Variants in ZNF599 observed in about 807,000 individuals in gnomAD.
ZNF599 encodes the protein zinc finger protein 599.
In ZNF599, 10 loss-of-function variants were observed where a neutral mutation model predicts 11.7. The observed-to-expected ratio is 0.86, with a 90% CI of 0.53 to 1.45. The LOEUF is 1.45. ZNF599 is among the 40% of genes most tolerant of loss of function. The pLI is 0.00. For synonymous variants in ZNF599, 232 were observed against 253.2 expected, an observed-to-expected ratio of 0.92 and a Z score of 0.79; for missense variants, 688 against 713.6, an observed-to-expected ratio of 0.96 and a Z score of 0.41.
chr19:34,758,859 C>A lies in ZNF599; in HGVS notation c.*175G>T. The A allele has an allele frequency of 1.6e-6, 1 of 624,620 alleles. No individual in the cohort carries two copies. Among genetic ancestry groups the A allele is most frequent in the Non-Finnish European group, 2.7e-6 (1 of 368,312 alleles). 38.7% of individuals were successfully genotyped at this position (624,620 alleles called of 1,614,324 possible). On this transcript the variant is annotated 3_prime_UTR_variant, in exon 4 of 4. Transcript: ENST00000329285. ...TCTTTGGATGACAAGTGATTACCTG[C>A]CATAAAAAGATTTCACAGGGACAAT...
At chr19:34,807,411 G>A in the ZNF599 span, among the ~76,000 whole-genome samples, 1 of 152,222 alleles carries the variant, frequency 6.6e-6, no homozygotes, top group Admixed American at 6.5e-5. Context: ...CTCCAGCCCA[G>A]CACTGACACG....
intron 1 of ZNF599, chr19:34,772,468 C>T (rs1036185503): frequency 8.7e-7 from 1 of 1,148,686 alleles, no homozygotes; most frequent in East Asian, 5.0e-5. Context: ...TGATGCTCTC[C>T]GAGCAGTGAA....
At chr19:34,777,401 ATTATATATAATATATATTAAT>A (rs2069223869), upstream of ZNF599, among the ~76,000 whole-genome samples, 1 of 88,176 alleles carries the variant, frequency 1.1e-5, no homozygotes, top group African/African-American at 5.2e-5. Context: ...TATAATATAT[ATTATATATAATATATATTAAT>A]TAATATATAA....
chr19:34,769,895 C>T (rs977751431), intron 1 of ZNF599, among the ~76,000 whole-genome samples: 5 of 152,178 alleles, frequency 3.3e-5, no homozygotes, highest in African/African-American at 1.2e-4. Flanking sequence ...CACTGGTCTG[C>T]ACTGTTTGCC....
In ZNF599 at chr19:34,759,593, G is replaced by A; in HGVS notation, c.1208C>T (p.Ala403Val). 6.2e-7 allele frequency: 1 copy of A among 1,613,860 alleles called. No homozygotes were observed. The highest frequency in any genetic ancestry group is 8.5e-7 in the Non-Finnish European group (1 of 1,179,978). ...GATGAAAGTGGAGCGATGAGTAAAGGCCTTTCCACATTCACCGCACTCATA... is the reference window on the plus strand; with the variant it reads ...GATGAAAGTGGAGCGATGAGTAAAGACCTTTCCACATTCACCGCACTCATA... ...KPYECGECGK[A>V]FTHRSTFIRH... is the part of the protein sequence containing the mutation. The change falls in exon 4 of 4, where the codon GCC (alanine) becomes GTC (valine). Residue 403 changes from alanine (A) to valine (V), a missense_variant. Physicochemically the swap from Ala to Val is moderately conservative, Grantham distance 64. Coordinates refer to ENST00000329285, the MANE Select transcript of ZNF599 (RefSeq NM_001007248.3).
At chr19:34,772,563 A>C in intron 1 of ZNF599, 4 of 1,335,410 alleles carry the variant, frequency 3.0e-6, no homozygotes, top group Non-Finnish European at 3.8e-6. Context: ...ACCCGAGGGA[A>C]TGGAGGCCGA....
At chr19:34,790,854 AC>A in the ZNF599 span, among the ~76,000 whole-genome samples, 52 of 152,274 alleles carry the variant, frequency 3.4e-4, 1 homozygote, top group South Asian at 3.7e-3. Context: ...ATTATGCTGT[AC>A]CCCCATAAAT....
the ZNF599 span, among the ~76,000 whole-genome samples, chr19:34,781,913 A>T: frequency 2.0e-5 from 3 of 152,198 alleles, no homozygotes; most frequent in Admixed American, 2.0e-4. Context: ...GGAGACCAGG[A>T]TGTGGGGTGC....
At chr19:34,765,570 T>C (rs1467869198) in intron 3 of ZNF599, 2 of 702,850 alleles carry the variant, frequency 2.8e-6, no homozygotes, top group Non-Finnish European at 2.6e-6. Flanking sequence ...AGGCAGAAAG[T>C]GTAATCTAGA....
At chr19:34,776,030 A>G (rs1017917220), upstream of ZNF599, among the ~76,000 whole-genome samples, 87 of 152,356 alleles carry the variant, frequency 5.7e-4, 1 homozygote, top group African/African-American at 1.9e-3. Context: ...AAATGAAATT[A>G]GATGAAATAT....
intron 3 of ZNF599, 94 bp downstream of exon 3, chr19:34,767,222 C>T (rs1341496354): frequency 1.2e-5 from 12 of 968,672 alleles, no homozygotes; most frequent in Admixed American, 3.9e-5. Flanking sequence ...TGCTCAAGAC[C>T]ACAAAATAGC....
chr19:34,783,788 C>G, the ZNF599 span, among the ~76,000 whole-genome samples: 6 of 152,118 alleles, frequency 3.9e-5, no homozygotes. Context: ...CCTTAACCTC[C>G]CAGTACCATG....
chr19:34,771,290 C>T (rs2069182449), intron 1 of ZNF599, among the ~76,000 whole-genome samples: 2 of 152,032 alleles, frequency 1.3e-5, no homozygotes, highest in South Asian at 2.1e-4. Flanking sequence ...CTTTTATGCT[C>T]GACATACTGG....
At position 34,759,283 on chromosome 19, in the gene ZNF599, G is replaced by A; in HGVS notation, c.1518C>T (p.Pro506=). ...RHMRIHTGEK[P]YVCRECGKAF... is the part of the protein sequence containing the mutation. ...CCTTTCCACATTCTCTACAAACATA[G>A]GGCTTCTCTCCAGTGTGAATCCTCA... Residue 506 remains proline (P), a synonymous_variant, in exon 4 of 4, where the codon CCC becomes CCT. Coordinates refer to ENST00000329285, the MANE Select transcript of ZNF599 (RefSeq NM_001007248.3). The A allele has an allele frequency of 6.2e-7, 1 of 1,614,156 alleles. No individual in the cohort carries two copies. Among genetic ancestry groups the A allele is most frequent in the Non-Finnish European group, 8.5e-7 (1 of 1,180,024 alleles).
intron 2 of ZNF599, 63 bp downstream of exon 2, chr19:34,769,366 C>T: frequency 6.2e-7 from 1 of 1,612,232 alleles, no homozygotes; most frequent in Non-Finnish European, 8.5e-7. Flanking sequence ...ACCAGCCATG[C>T]CTAGAAAGGG....
At chr19:34,776,480 C>T (rs559857129), upstream of ZNF599, among the ~76,000 whole-genome samples, 21 of 152,344 alleles carry the variant, frequency 1.4e-4, no homozygotes, top group South Asian at 2.5e-3. Flanking sequence ...TGCGATTCTT[C>T]AGCTCTTGAA....
intron 1 of ZNF599, among the ~76,000 whole-genome samples, chr19:34,771,907 A>G (rs750530722): frequency 2.6e-5 from 4 of 152,236 alleles, no homozygotes; most frequent in Non-Finnish European, 4.4e-5. Context: ...AGAAAACAAC[A>G]CAAGAGTGAG....
At chr19:34,779,485 T>A in the ZNF599 span, 1 of 456,906 alleles carries the variant, frequency 2.2e-6, no homozygotes, top group Non-Finnish European at 4.4e-6. Context: ...GGGCTTTGGA[T>A]AATTTCTCAC....
chr19:34,766,680 A>G (rs750059125), intron 3 of ZNF599, among the ~76,000 whole-genome samples: 3 of 152,246 alleles, frequency 2.0e-5, no homozygotes, highest in Non-Finnish European at 4.4e-5. Flanking sequence ...AGTGTATCAG[A>G]TAAGTATATG....
Sources: gnomAD v4.1 joint callset for allele counts (sites outside exome capture counted in the v4.1 genomes callset) on GRCh38, gnomAD v4.1.1 for gene constraint, MANE v1.5 for transcripts, NCBI Gene and HGNC (gene_info 2026-07-23, HGNC 2026-07-21) for gene names.